MCTP1: variants seen among roughly 807,000 people sequenced by gnomAD.
MCTP1 encodes the protein multiple C2 and transmembrane domain-containing protein 1.
MCTP1 carries 69 observed loss-of-function variants against 120.6 expected under a neutral mutation model. The observed-to-expected ratio is 0.57, with a 90% CI of 0.47 to 0.70. The LOEUF is 0.70. Among genes scored for constraint, MCTP1 ranks in the 30% least tolerant of loss-of-function variants. MCTP1 has a pLI of 0.00. For missense variants in MCTP1, 1,203 were observed against 1,248.8 expected (o/e 0.96, Z 0.55); for synonymous variants, 529 against 493.1 (o/e 1.07, Z -0.96).
intron 1 of MCTP1, among the ~76,000 whole-genome samples, chr5:95,094,042 A>G (rs1443290956): frequency 6.6e-6 from 1 of 152,222 alleles, no homozygotes; most frequent in African/African-American, 2.4e-5. Context: ...TGGATCCTCA[A>G]GCCCCCAGTT....
At position 94,919,819 on chromosome 5, in the gene MCTP1, A is replaced by C. The variant is rs556899373; in HGVS notation, c.1273-1846T>G. On this transcript the variant is annotated intron_variant, in intron 7 of 22. Coordinates refer to ENST00000515393, the MANE Select transcript of MCTP1 (RefSeq NM_024717.7). ...CTGGATGATGAAGTCCAACAAGTGC[A>C]TTTGTTCTGCCATCCACCCATCCTC... Among the ~76,000 whole-genome samples the C allele has an allele frequency of 3.9e-4, 59 of 152,358 alleles. No individual in the cohort carries two copies. The South Asian group carries it at 0.012, about 32-fold the overall frequency.
At position 94,757,734 on chromosome 5, in the gene MCTP1, T is replaced by C. The variant is rs538535188; in HGVS notation, c.2610+21376A>G. 9.8e-5 allele frequency among the ~76,000 whole-genome samples: 15 copies of C among 152,328 alleles called. No individual in the cohort carries two copies. The South Asian group carries it at 3.1e-3, about 32-fold the overall frequency. On this transcript the variant is annotated intron_variant, in intron 19 of 22. Coordinates refer to ENST00000515393, the MANE Select transcript of MCTP1 (RefSeq NM_024717.7). Reference sequence around the variant, plus strand: ...GAACATTCCACATGCACACTGCTTGTTGCATGGATGGATGAATAAGTGAAT... The same window carrying C: ...GAACATTCCACATGCACACTGCTTGCTGCATGGATGGATGAATAAGTGAAT...
At chr5:95,249,167 C>A (rs1262357199) in intron 1 of MCTP1, among the ~76,000 whole-genome samples, 2 of 152,132 alleles carry the variant, frequency 1.3e-5, no homozygotes, top group South Asian at 2.1e-4. Context: ...CAAATGGGAT[C>A]TAATTAAACT....
chr5:94,812,455 G>GAA (rs57511429), intron 17 of MCTP1, among the ~76,000 whole-genome samples: 7,364 of 104,360 alleles, frequency 0.071, 441 homozygotes, highest in African/African-American at 0.19. Context: ...TCAGGGATAC[G>GAA]AAAAAAAAAA....
At chr5:94,845,726 T>A (rs1269764782) in intron 17 of MCTP1, among the ~76,000 whole-genome samples, 1 of 151,994 alleles carries the variant, frequency 6.6e-6, no homozygotes, top group Non-Finnish European at 1.5e-5. Context: ...AATTTTTGTA[T>A]TTTTTTGTAG....
intron 19 of MCTP1, among the ~76,000 whole-genome samples, chr5:94,769,714 C>A (rs377763303): frequency 2.6e-5 from 4 of 151,926 alleles, no homozygotes; most frequent in African/African-American, 9.7e-5. Context: ...AAAAACAGGT[C>A]GATTTTTAAA....
intron 1 of MCTP1, among the ~76,000 whole-genome samples, chr5:95,090,526 T>C (rs761983665): frequency 2.0e-5 from 3 of 152,184 alleles, no homozygotes; most frequent in African/African-American, 7.2e-5. Flanking sequence ...AGAGCAGGTA[T>C]GCAGTGCACA....
At chr5:94,960,237 AC>A (rs1198793826) in intron 2 of MCTP1, among the ~76,000 whole-genome samples, 3 of 152,170 alleles carry the variant, frequency 2.0e-5, no homozygotes, top group Non-Finnish European at 4.4e-5. Context: ...CTGAAACTGG[AC>A]CCCTTCCTTA....
At chr5:95,270,561 C>T (rs1759289459) in intron 1 of MCTP1, among the ~76,000 whole-genome samples, 1 of 114,764 alleles carries the variant, frequency 8.7e-6, no homozygotes, top group Non-Finnish European at 1.8e-5. Flanking sequence ...CACAACTGAG[C>T]AGAGAGAGGC....
chr5:95,277,312 C>T (rs1582719523), intron 1 of MCTP1, among the ~76,000 whole-genome samples: 2 of 152,168 alleles, frequency 1.3e-5, no homozygotes, highest in African/African-American at 4.8e-5. Flanking sequence ...CCTCACCAGG[C>T]TTTAATTCTG....
At chr5:94,984,597 C>T (rs1427607683) in intron 2 of MCTP1, among the ~76,000 whole-genome samples, 1 of 152,054 alleles carries the variant, frequency 6.6e-6, no homozygotes, top group Non-Finnish European at 1.5e-5. Flanking sequence ...TTGAAATCTA[C>T]AATTTAAACT....
intron 2 of MCTP1, among the ~76,000 whole-genome samples, chr5:94,970,746 C>G (rs1257376516): frequency 2.6e-5 from 4 of 151,934 alleles, no homozygotes; most frequent in African/African-American, 7.2e-5. Context: ...AACAAAAAAT[C>G]ACATCTAAAA....
chr5:95,251,475 A>G (rs527398060), intron 1 of MCTP1, among the ~76,000 whole-genome samples: 1 of 152,254 alleles, frequency 6.6e-6, no homozygotes, highest in South Asian at 2.1e-4. Flanking sequence ...AGAAATTAAG[A>G]AAGAATTACT....
chr5:95,049,914 T>A (rs1481577185), intron 1 of MCTP1, among the ~76,000 whole-genome samples: 2 of 152,086 alleles, frequency 1.3e-5, no homozygotes, highest in Non-Finnish European at 2.9e-5. Flanking sequence ...ATTAAATATG[T>A]TCTAAAAATA....
At position 94,754,659 on chromosome 5, in the gene MCTP1, A is replaced by G. The variant is rs200573767; in HGVS notation, c.2610+24451T>C. ...CCGATCAGTCTTTTCAGAAGTGCCA[A>G]AGTACGTTTAACTTTAAAAGCATAT... On this transcript the variant is annotated intron_variant, in intron 19 of 22. Transcript: ENST00000515393. Among the ~76,000 whole-genome samples, 24 of 152,078 alleles carry G rather than the reference A, an allele frequency of 1.6e-4. No individual in the cohort carries two copies. The East Asian group carries it at 4.3e-3, about 27-fold the overall frequency.
intron 1 of MCTP1, among the ~76,000 whole-genome samples, chr5:95,224,543 T>A (rs937608915): frequency 5.4e-5 from 8 of 149,418 alleles, no homozygotes; most frequent in African/African-American, 2.0e-4. Flanking sequence ...GGTTTCACTG[T>A]GTCCCCCAGG....
chr5:95,003,098 C>A (rs564810592), intron 2 of MCTP1, among the ~76,000 whole-genome samples: 44 of 152,254 alleles, frequency 2.9e-4, no homozygotes, highest in Middle Eastern at 6.8e-3. Flanking sequence ...TGAAGAGGTA[C>A]CTTCTGCCAT....
rs767443659 is a variant in MCTP1, at chr5:94,940,129, C to G, written c.1128G>C (p.Leu376Phe). 5 of 1,609,756 alleles carry G rather than the reference C, an allele frequency of 3.1e-6. No individual in the cohort carries two copies. The South Asian group carries it at 3.3e-5, about 11-fold the overall frequency. The change falls in exon 5 of 23, where the codon TTG (leucine) becomes TTC (phenylalanine). Residue 376 changes from leucine to phenylalanine, a missense_variant. This residue lies in a region of MCTP1 where 740 missense variants were observed against 871.1 expected (regional missense o/e 0.85). Coordinates refer to ENST00000515393, the MANE Select transcript of MCTP1 (RefSeq NM_024717.7). ...HYPDHDLGIILLSVILTPKEG... is the reference protein window; with the variant it reads ...HYPDHDLGIIFLSVILTPKEG... The stretch of plus-strand genomic sequence containing the variant: ...CTTTAGGGGTAAGGATGACTGAGAG[C>G]AAAATGATTCCAAGATCATGGTCAG...
intron 1 of MCTP1, among the ~76,000 whole-genome samples, chr5:95,068,110 A>G (rs1751148784): frequency 6.6e-6 from 1 of 152,202 alleles, no homozygotes; most frequent in South Asian, 2.1e-4. Flanking sequence ...CTATTCTATT[A>G]AATTTATCAT....
Sources: allele counts gnomAD v4.1 joint callset (sites outside exome capture counted in the v4.1 genomes callset), GRCh38; gene constraint gnomAD v4.1.1; regional missense constraint gnomAD v4.1.1; transcripts MANE v1.5; gene names NCBI Gene and HGNC (gene_info 2026-07-23, HGNC 2026-07-21).